CNKSR3: variants seen among roughly 807,000 people sequenced by gnomAD.
CNKSR3 encodes CNKSR family member 3.
CNKSR3 carries 36 observed loss-of-function variants against 67.7 expected under a neutral mutation model. The ratio of observed to expected loss-of-function variants is 0.53; its 90% CI spans 0.41 to 0.70. CNKSR3 has a LOEUF of 0.70. CNKSR3 is among the 30% of genes least tolerant of loss of function. CNKSR3 has a pLI of 0.00. For synonymous variants in CNKSR3, 281 were observed against 271.4 expected (o/e 1.04, Z -0.35); for missense variants, 630 against 695.2 (o/e 0.91, Z 1.05).
intron 1 of CNKSR3, among the ~76,000 whole-genome samples, chr6:154,463,339 C>T (rs1366674399): frequency 1.3e-5 from 2 of 152,124 alleles, no homozygotes; most frequent in African/African-American, 2.4e-5. Context: ...TCCCAAAGTG[C>T]TAGGATTACA....
chr6:154,504,783 G>C (rs1392463801), intron 1 of CNKSR3, among the ~76,000 whole-genome samples: 1 of 151,872 alleles, frequency 6.6e-6, no homozygotes, highest in African/African-American at 2.4e-5. Context: ...GCCGAGGTGG[G>C]AGGATCACTT....
intron 1 of CNKSR3, among the ~76,000 whole-genome samples, chr6:154,475,625 G>A (rs946849316): frequency 1.3e-5 from 2 of 152,134 alleles, no homozygotes; most frequent in East Asian, 3.9e-4. Context: ...AAGTCCCCCT[G>A]AAAGCTGCAC....
At chr6:154,508,264 G>GT (rs1255238706) in intron 1 of CNKSR3, among the ~76,000 whole-genome samples, 23 of 152,068 alleles carry the variant, frequency 1.5e-4, no homozygotes, top group African/African-American at 5.6e-4. Context: ...TTAACCTAAC[G>GT]TATCAAAATA....
At chr6:154,418,414 A>G (rs1785066374) in intron 9 of CNKSR3, among the ~76,000 whole-genome samples, 1 of 152,136 alleles carries the variant, frequency 6.6e-6, no homozygotes, top group African/African-American at 2.4e-5. Flanking sequence ...ATGGTGGTCT[A>G]TCTATGTTTT....
intron 12 of CNKSR3, among the ~76,000 whole-genome samples, chr6:154,407,933 G>A (rs943866999): frequency 2.8e-5 from 4 of 143,426 alleles, no homozygotes; most frequent in South Asian, 2.2e-4. Flanking sequence ...ATAAATAGGC[G>A]CTAGAGCCAT....
rs1020239492 is a variant in CNKSR3 at position 154,404,954 on chromosome 6, C to A, written c.*1400G>T. 6.6e-6 allele frequency: 1 copy of A among 152,192 alleles called. No individual in the cohort carries two copies. The highest frequency in any genetic ancestry group is 1.5e-5 in the Non-Finnish European group (1 of 68,026). The allele number at this position is 152,192 out of a possible 1,614,324, so 9.4% of individuals were successfully genotyped here. ...ATTTTAAAGGGAAGATGTTTCCTAA[C>A]TCCAGTGATTTTCATGGGCTGAATT... On this transcript the variant is annotated 3_prime_UTR_variant, in exon 13 of 13. Coordinates refer to ENST00000607772, the MANE Select transcript of CNKSR3 (RefSeq NM_173515.4).
intron 1 of CNKSR3, among the ~76,000 whole-genome samples, chr6:154,502,566 A>G (rs1264847090): frequency 2.6e-5 from 4 of 152,296 alleles, no homozygotes; most frequent in South Asian, 2.1e-4. Flanking sequence ...GGGACGGGAC[A>G]GGACCACAGA....
intron 1 of CNKSR3, among the ~76,000 whole-genome samples, chr6:154,481,838 C>T (rs1390541916): frequency 6.6e-6 from 1 of 152,150 alleles, no homozygotes; most frequent in Non-Finnish European, 1.5e-5. Flanking sequence ...ATCTTCTACT[C>T]CCGGGACAAC....
At chr6:154,446,602 C>T (rs1785711731) in intron 2 of CNKSR3, among the ~76,000 whole-genome samples, 1 of 152,118 alleles carries the variant, frequency 6.6e-6, no homozygotes, top group Non-Finnish European at 1.5e-5. Context: ...TGCGCATAAG[C>T]ACTCTAGGCC....
rs151169836 is a variant in CNKSR3 at position 154,481,660 on chromosome 6, G to A, written c.52+28403C>T. ...ATGCTGTATGATTTTATGCATGTCT[G>A]TGTTTTGTTCTTTTTAAAGGAGACC... On this transcript the variant is annotated intron_variant, in intron 1 of 12. Coordinates refer to ENST00000607772, the MANE Select transcript of CNKSR3 (RefSeq NM_173515.4). Among the ~76,000 whole-genome samples, 12 of 152,284 alleles carry A rather than the reference G, an allele frequency of 7.9e-5. No homozygotes were observed. In the East Asian group the frequency reaches 2.1e-3, roughly 27 times the overall value.
intron 5 of CNKSR3, 90 bp downstream of exon 5, chr6:154,433,376 G>T (rs1785407960): frequency 8.2e-6 from 7 of 854,158 alleles, no homozygotes; most frequent in Non-Finnish European, 1.2e-5. Context: ...AGTATCTCCT[G>T]AAGTAATTAG....
chr6:154,439,665 G>A (rs186208780), intron 4 of CNKSR3, among the ~76,000 whole-genome samples: 1 of 152,262 alleles, frequency 6.6e-6, no homozygotes. Context: ...GTAGAGGCAG[G>A]GGAATTACTC....
Position 154,389,534 on chromosome 6 carries a change from T to C in CNKSR3, c.*16820A>G, listed in dbSNP as rs1455380878. The C allele has an allele frequency of 6.6e-6, 1 of 152,262 alleles. No individual in the cohort carries two copies. The highest frequency in any genetic ancestry group is 1.5e-5 in the Non-Finnish European group (1 of 68,048). 9.4% of individuals were successfully genotyped at this position (152,262 alleles called of 1,614,324 possible). On this transcript the variant is annotated 3_prime_UTR_variant, in exon 13 of 13. Coordinates refer to ENST00000607772, the MANE Select transcript of CNKSR3 (RefSeq NM_173515.4). ...GAAATCAAGCAATGTGATGCCTCTA[T>C]CTTTGTTCTTCTTTCTCAAGATTGA...
intron 2 of CNKSR3, among the ~76,000 whole-genome samples, chr6:154,448,014 T>C (rs1785741409): frequency 6.6e-6 from 1 of 152,116 alleles, no homozygotes; most frequent in African/African-American, 2.4e-5. Flanking sequence ...TGTGAACCCC[T>C]AAGTGACCCC....
intron 1 of CNKSR3, among the ~76,000 whole-genome samples, chr6:154,482,676 G>C (rs1199128446): frequency 6.6e-6 from 1 of 152,184 alleles, no homozygotes; most frequent in Non-Finnish European, 1.5e-5. Context: ...GGTTCCAGAA[G>C]GTGCTGACCC....
chr6:154,466,293 A>G (rs1786196859), intron 1 of CNKSR3, among the ~76,000 whole-genome samples: 1 of 152,204 alleles, frequency 6.6e-6, no homozygotes, highest in Non-Finnish European at 1.5e-5. Flanking sequence ...CAGAAACAAA[A>G]TACCTGTCTA....
At position 154,403,720 on chromosome 6, in the gene CNKSR3, C is replaced by G. The variant is rs1230512590; in HGVS notation, c.*2634G>C. The stretch of plus-strand genomic sequence containing the variant: ...AAGTAGAGGAGCCAGGAACTTCTCT[C>G]GCGGGTCCTGGGACTCCAGGGAACA... On this transcript the variant is annotated 3_prime_UTR_variant, in exon 13 of 13. Transcript: ENST00000607772. 1 of 152,010 alleles carries G rather than the reference C, an allele frequency of 6.6e-6. No individual in the cohort carries two copies. Among genetic ancestry groups the G allele is most frequent in the Admixed American group, 6.5e-5 (1 of 15,270 alleles). 9.4% of individuals were successfully genotyped at this position (152,010 alleles called of 1,614,324 possible).
intron 10 of CNKSR3, among the ~76,000 whole-genome samples, chr6:154,412,909 C>T (rs1225659336): frequency 1.3e-5 from 2 of 151,970 alleles, no homozygotes; most frequent in Admixed American, 6.6e-5. Flanking sequence ...GGTCAAAGAC[C>T]GAGTCTGTTT....
In CNKSR3 at chr6:154,474,330, T is replaced by G. The variant is rs545557966; in HGVS notation, c.53-24072A>C. Among the ~76,000 whole-genome samples the G allele has an allele frequency of 7.3e-5, 11 of 151,354 alleles. No individual in the cohort carries two copies. In the South Asian group the frequency reaches 2.1e-3, roughly 29 times the overall value. ...CGGGAGGCTGAGGCAGGGGAATCGC[T>G]TGAACCCGGGAGGCGGAGGTTGCAG... is the stretch of plus-strand genomic sequence containing the variant. On this transcript the variant is annotated intron_variant, in intron 1 of 12. Coordinates refer to ENST00000607772, the MANE Select transcript of CNKSR3 (RefSeq NM_173515.4).
Sources: allele counts gnomAD v4.1 joint callset (sites outside exome capture counted in the v4.1 genomes callset), GRCh38; gene constraint gnomAD v4.1.1; transcripts MANE v1.5; gene names NCBI Gene and HGNC (gene_info 2026-07-23, HGNC 2026-07-21).